GTF2E1: variants seen among roughly 807,000 people sequenced by gnomAD.
The protein encoded by GTF2E1 is TFIIE alpha subunit.
In GTF2E1, 14 loss-of-function variants were observed where a neutral mutation model predicts 34.9. The ratio of observed to expected loss-of-function variants is 0.40; its 90% CI spans 0.27 to 0.63. The LOEUF (loss-of-function observed/expected upper bound fraction) is 0.63. Among genes scored for constraint, GTF2E1 ranks in the 20% least tolerant of loss-of-function variants. GTF2E1 has a pLI of 0.39. For synonymous variants in GTF2E1, 188 were observed against 192.9 expected (o/e 0.97, Z 0.21); for missense variants, 469 against 557.7 (o/e 0.84, Z 1.60).
At chr3:120,760,310 A>G (rs1476572184) in intron 2 of GTF2E1, among the ~76,000 whole-genome samples, 1 of 152,218 alleles carries the variant, frequency 6.6e-6, no homozygotes, top group African/African-American at 2.4e-5. Context: ...ATTGCTTATC[A>G]GGTGAAGGAG....
Position 120,750,703 on chromosome 3 carries a change from C to G in GTF2E1, c.151C>G (p.Leu51Val), listed in dbSNP as rs146072078. The G allele has an allele frequency of 1.1e-3, 1,728 of 1,613,986 alleles. 2 individuals carry two copies. Among genetic ancestry groups the G allele is most frequent in the Non-Finnish European group, 1.3e-3 (1,549 of 1,179,918 alleles). ...SCVKEEDMLELLKFDRKQLRS... is the reference protein window; with the variant it reads ...SCVKEEDMLEVLKFDRKQLRS... ...TGTGAAAGAGGAGGATATGCTGGAG[C>G]TGCTCAAGTTTGATCGGAAGCAACT... is the stretch of plus-strand genomic sequence containing the variant. The change falls in exon 2 of 5, where the codon CTG becomes GTG. Residue 51 changes from leucine (L) to valine (V), a missense_variant. Physicochemically the swap from Leu to Val is conservative, Grantham distance 32 (BLOSUM62 1). Transcript: ENST00000283875.
In GTF2E1 at chr3:120,742,809, C is replaced by G. The variant is rs143026534; in HGVS notation, c.-31+15C>G. On this transcript the variant is annotated intron_variant, in intron 1 of 4. Transcript: ENST00000283875. Reference sequence around the variant, plus strand: ...GATTCGCCTTGGTAAACCTTGTTCCCTGTTCCTTGTTCGGAGTTCCCTGGC... The same window carrying G: ...GATTCGCCTTGGTAAACCTTGTTCCGTGTTCCTTGTTCGGAGTTCCCTGGC... 182 of 446,170 alleles carry G rather than the reference C, an allele frequency of 4.1e-4. 1 individual carries two copies. Among genetic ancestry groups the G allele is most frequent in the African/African-American group, 3.1e-3 (156 of 50,416 alleles). The allele number at this position is 446,170 out of a possible 1,614,324, so 27.6% of individuals were successfully genotyped here.
intron 2 of GTF2E1, among the ~76,000 whole-genome samples, chr3:120,753,164 C>G (rs1382698103): frequency 2.0e-5 from 3 of 151,588 alleles, no homozygotes; most frequent in Admixed American, 6.6e-5. Context: ...TTCCTTTGGT[C>G]TGTACATTCC....
intron 2 of GTF2E1, among the ~76,000 whole-genome samples, chr3:120,751,694 A>T (rs1709165908): frequency 6.6e-6 from 1 of 152,218 alleles, no homozygotes; most frequent in Non-Finnish European, 1.5e-5. Flanking sequence ...GTTCTGAGTT[A>T]TATAGTTATT....
At chr3:120,754,826 A>G (rs1709195016) in intron 2 of GTF2E1, among the ~76,000 whole-genome samples, 1 of 152,136 alleles carries the variant, frequency 6.6e-6, no homozygotes, top group African/African-American at 2.4e-5. Flanking sequence ...TGTATATTTA[A>G]TAAAATCTTA....
chr3:120,769,445 A>G (rs1031092872), intron 2 of GTF2E1, among the ~76,000 whole-genome samples: 74 of 152,188 alleles, frequency 4.9e-4, no homozygotes, highest in Admixed American at 4.8e-3. Context: ...TTTGTTGGGT[A>G]ATTTTGGGGA....
chr3:120,751,191 C>G (rs932266825), intron 2 of GTF2E1, 191 bp downstream of exon 2: 7 of 522,886 alleles, frequency 1.3e-5, no homozygotes, highest in African/African-American at 1.1e-4. Context: ...CTTTGCAAAG[C>G]GTTTCTCCTT....
chr3:120,770,678 C>A, intron 2 of GTF2E1, 50 bp from the exon 3 acceptor site: 1 of 1,334,088 alleles, frequency 7.5e-7, no homozygotes, highest in Non-Finnish European at 1.1e-6. Flanking sequence ...GAGGTATAAA[C>A]TATCTGCTAA....
chr3:120,750,867 T>C lies in GTF2E1; in HGVS notation c.315T>C (p.Tyr105=). The C allele has an allele frequency of 6.2e-7, 1 of 1,614,010 alleles. No homozygotes were observed. The highest frequency in any genetic ancestry group is 8.5e-7 in the Non-Finnish European group (1 of 1,179,910). The change falls in exon 2 of 5, where the codon TAT becomes TAC. Residue 105 remains tyrosine (Y), a synonymous_variant. Coordinates refer to ENST00000283875, the MANE Select transcript of GTF2E1 (RefSeq NM_005513.3). The part of the protein sequence containing the change: ...NYRTLVNVVK[Y]KLDHMRRRIE... The stretch of plus-strand genomic sequence containing the variant: ...GTACTCTTGTTAATGTGGTAAAATA[T>C]AAACTGGACCACATGAGAAGAAGAA...
chr3:120,778,326 G>A (rs1411461277), intron 4 of GTF2E1, among the ~76,000 whole-genome samples: 1 of 152,146 alleles, frequency 6.6e-6, no homozygotes, highest in African/African-American at 2.4e-5. Context: ...CATAAAATAG[G>A]ATAGTATGTT....
At chr3:120,768,359 G>A (rs1328091601) in intron 2 of GTF2E1, among the ~76,000 whole-genome samples, 1 of 152,200 alleles carries the variant, frequency 6.6e-6, no homozygotes, top group Non-Finnish European at 1.5e-5. Flanking sequence ...CTGCAGCAGA[G>A]TGTGCCTGAT....
At chr3:120,747,167 A>G (rs1231889621) in intron 1 of GTF2E1, among the ~76,000 whole-genome samples, 1 of 151,328 alleles carries the variant, frequency 6.6e-6, no homozygotes, top group East Asian at 1.9e-4. Context: ...GCAATGGTGT[A>G]ATCTTGGCTC....
intron 2 of GTF2E1, 135 bp downstream of exon 2, chr3:120,751,135 A>G (rs1316574880): frequency 1.6e-6 from 1 of 623,842 alleles, no homozygotes; most frequent in Non-Finnish European, 2.7e-6. Context: ...CACAGCATAC[A>G]GTCAGTCTTA....
At chr3:120,746,831 G>C (rs1415090958) in intron 1 of GTF2E1, among the ~76,000 whole-genome samples, 2 of 152,072 alleles carry the variant, frequency 1.3e-5, no homozygotes, top group Non-Finnish European at 2.9e-5. Flanking sequence ...TGTGGCCTAG[G>C]GAAATTTAAC....
At chr3:120,755,517 A>G (rs964729634) in intron 2 of GTF2E1, among the ~76,000 whole-genome samples, 3 of 152,148 alleles carry the variant, frequency 2.0e-5, no homozygotes, top group African/African-American at 4.8e-5. Context: ...AAATAGGTGT[A>G]TATGTTTATG....
chr3:120,767,623 C>G (rs1353131899), intron 2 of GTF2E1, among the ~76,000 whole-genome samples: 1 of 152,110 alleles, frequency 6.6e-6, no homozygotes, highest in African/African-American at 2.4e-5. Flanking sequence ...AGTTCTTTGT[C>G]TCTGACCTGG....
In GTF2E1 at chr3:120,770,789, A is replaced by G. The variant is rs758580728; in HGVS notation, c.510A>G (p.Lys170=). ...EVEEDESAMP[K]KDARTLLARF... ...AAGAGGATGAATCAGCAATGCCCAA[A>G]AAAGATGCACGCACACTTTTGGCAA... Residue 170 remains lysine (K), a synonymous_variant, in exon 3 of 5, where the codon AAA becomes AAG. Coordinates refer to ENST00000283875, the MANE Select transcript of GTF2E1 (RefSeq NM_005513.3). 11 of 1,613,698 alleles carry G rather than the reference A, an allele frequency of 6.8e-6. No homozygotes were observed. The highest frequency in any genetic ancestry group is 5.0e-5 in the Admixed American group (3 of 60,002).
intron 2 of GTF2E1, among the ~76,000 whole-genome samples, chr3:120,764,360 TGAG>T (rs1407010912): frequency 6.6e-6 from 1 of 152,122 alleles, no homozygotes; most frequent in Non-Finnish European, 1.5e-5. Flanking sequence ...TGTTCTGGGG[TGAG>T]AGCTCTGCAG....
chr3:120,759,907 G>A (rs558408567), intron 2 of GTF2E1, among the ~76,000 whole-genome samples: 119 of 152,172 alleles, frequency 7.8e-4, no homozygotes, highest in Non-Finnish European at 1.4e-3. Flanking sequence ...GCTTAGGATT[G>A]TCTTGGCTAT....
Sources: allele counts gnomAD v4.1 joint callset (sites outside exome capture counted in the v4.1 genomes callset), GRCh38; gene constraint gnomAD v4.1.1; transcripts MANE v1.5; gene names NCBI Gene and HGNC (gene_info 2026-07-23, HGNC 2026-07-21).